Variants in SDK1 observed in about 807,000 individuals in gnomAD.
The protein encoded by SDK1 is sidekick cell adhesion molecule 1.
SDK1 carries 157 observed loss-of-function variants against 245.5 expected under a neutral mutation model. That is an observed-to-expected ratio of 0.64 (90% CI 0.56 to 0.73). The LOEUF (loss-of-function observed/expected upper bound fraction) is 0.73, where lower values mean the gene tolerates loss of function less well. Ranked by LOEUF, SDK1 falls within the 30% of genes least tolerant of loss-of-function variation. SDK1 has a pLI of 0.00. For missense variants in SDK1, 3,583 were observed against 3,002.3 expected (o/e 1.19, Z -4.52); for synonymous variants, 1,647 against 1,278.5 (o/e 1.29, Z -6.15).
intron 5 of SDK1, among the ~76,000 whole-genome samples, chr7:3,915,418 G>A (rs909412985): frequency 6.6e-6 from 1 of 152,178 alleles, no homozygotes; most frequent in Non-Finnish European, 1.5e-5. Context: ...TTGAATCATA[G>A]GGGTGGGTTT....
chr7:3,958,873 T>C, intron 7 of SDK1, 58 bp from the exon 8 acceptor site: 5 of 1,331,142 alleles, frequency 3.8e-6, no homozygotes, highest in Non-Finnish European at 5.4e-6. Flanking sequence ...TTAGGTTATA[T>C]GGTCTCTGAC....
At chr7:3,357,326 G>GTTTTTTTTTTTTTTTTTTTTTTTTTTT (rs1780826215) in intron 1 of SDK1, among the ~76,000 whole-genome samples, 1 of 50,102 alleles carries the variant, frequency 2.0e-5, no homozygotes. Context: ...CCTTCTTTTA[G>GTTTTTTTTTTTTTTTTTTTTTTTTTTT]TGTTTTTTTT....
chr7:4,011,171 G>C, intron 15 of SDK1, 58 bp downstream of exon 15: 1 of 1,581,778 alleles, frequency 6.3e-7, no homozygotes, highest in Non-Finnish European at 8.6e-7. Flanking sequence ...GAATGCCAAA[G>C]AGAAGCATCA....
Position 4,217,203 on chromosome 7 carries a change from A to G in SDK1, c.5540-2906A>G, listed in dbSNP as rs113144230. Among the ~76,000 whole-genome samples the G allele has an allele frequency of 5.6e-4, 78 of 138,910 alleles. 5 individuals are homozygous for G. Among genetic ancestry groups the G allele is most frequent in the African/African-American group, 2.1e-3 (72 of 35,030 alleles). 91.1% of individuals were successfully genotyped at this position (138,910 alleles called of 152,430 possible). On this transcript the variant is annotated intron_variant, in intron 38 of 44. Transcript: ENST00000404826. ...CCCGGAGCACCCTGCCACCCGGAGC[A>G]CCAGGCCACCCAGAGCACCAGGCCA...
chr7:4,109,036 C>A (rs964498499), intron 22 of SDK1, among the ~76,000 whole-genome samples: 1 of 152,156 alleles, frequency 6.6e-6, no homozygotes, highest in Non-Finnish European at 1.5e-5. Flanking sequence ...GAATCCTGTT[C>A]CATGGTGCAG....
intron 1 of SDK1, among the ~76,000 whole-genome samples, chr7:3,340,605 A>G (rs1170439866): frequency 6.6e-6 from 1 of 152,130 alleles, no homozygotes; most frequent in African/African-American, 2.4e-5. Flanking sequence ...TACTAAAAAT[A>G]CCAAAAAAAT....
At chr7:4,205,330 C>T (rs111860772) in intron 35 of SDK1, among the ~76,000 whole-genome samples, 172 of 152,240 alleles carry the variant, frequency 1.1e-3, no homozygotes, top group African/African-American at 3.9e-3. Flanking sequence ...TAATCTCAAT[C>T]AGTAATATTA....
At chr7:3,967,041 T>C (rs570028579) in intron 9 of SDK1, among the ~76,000 whole-genome samples, 1 of 152,332 alleles carries the variant, frequency 6.6e-6, no homozygotes, top group East Asian at 1.9e-4. Context: ...CTCTTTAATA[T>C]TCATCAAAAA....
At chr7:4,019,044 C>T (rs561766146) in intron 17 of SDK1, among the ~76,000 whole-genome samples, 1 of 152,252 alleles carries the variant, frequency 6.6e-6, no homozygotes, top group South Asian at 2.1e-4. Flanking sequence ...AAAACGAATG[C>T]AGTTTCGGCC....
chr7:3,646,810 C>G (rs1782852923), intron 4 of SDK1, among the ~76,000 whole-genome samples: 1 of 152,174 alleles, frequency 6.6e-6, no homozygotes. Flanking sequence ...TAGAGACAAT[C>G]TACAATTATC....
In SDK1 at chr7:3,769,484, C is replaced by T. The variant is rs1225400034; in HGVS notation, c.714-51966C>T. Reference sequence around the variant, plus strand: ...ATATTAATCCATGGATAGATTAATCCACTCATGAGGTCAGAGTCCTTATGA... The same window carrying T: ...ATATTAATCCATGGATAGATTAATCTACTCATGAGGTCAGAGTCCTTATGA... On this transcript the variant is annotated intron_variant, in intron 4 of 44. Transcript: ENST00000404826. 4.6e-5 allele frequency among the ~76,000 whole-genome samples: 7 copies of T among 152,142 alleles called. No individual in the cohort carries two copies. In the East Asian group the frequency reaches 1.2e-3, roughly 25 times the overall value.
chr7:3,562,673 AC>A (rs1779784986), intron 1 of SDK1, among the ~76,000 whole-genome samples: 1 of 152,258 alleles, frequency 6.6e-6, no homozygotes, highest in Non-Finnish European at 1.5e-5. Context: ...ACATAAACTT[AC>A]CATTTTTAAG....
chr7:3,644,773 C>CAAAAA (rs34276127), intron 4 of SDK1, among the ~76,000 whole-genome samples: 7,486 of 39,650 alleles, frequency 0.19, 768 homozygotes, highest in Non-Finnish European at 0.24. Flanking sequence ...ACCCTGTCTC[C>CAAAAA]AAAAAAAAAA....
intron 17 of SDK1, among the ~76,000 whole-genome samples, chr7:4,019,493 A>C (rs1403983591): frequency 6.6e-6 from 1 of 152,132 alleles, no homozygotes; most frequent in Non-Finnish European, 1.5e-5. Context: ...ATGTCCAAGT[A>C]GTCTTCTGGA....
At chr7:3,910,066 A>T (rs534108485) in intron 5 of SDK1, among the ~76,000 whole-genome samples, 1 of 152,298 alleles carries the variant, frequency 6.6e-6, no homozygotes, top group East Asian at 1.9e-4. Context: ...GCTGATGTGG[A>T]ATCATTGTGT....
intron 4 of SDK1, among the ~76,000 whole-genome samples, chr7:3,680,304 TGA>T (rs1784060049): frequency 6.6e-6 from 1 of 152,018 alleles, no homozygotes; most frequent in Non-Finnish European, 1.5e-5. Flanking sequence ...TAGGAGAGCT[TGA>T]GAGGGGAGGT....
chr7:3,378,191 A>G (rs750157996), intron 1 of SDK1, among the ~76,000 whole-genome samples: 1 of 152,156 alleles, frequency 6.6e-6, no homozygotes, highest in Non-Finnish European at 1.5e-5. Flanking sequence ...TTCGGGGGCT[A>G]CAATTAACAT....
chr7:3,812,629 G>A (rs17324947), intron 4 of SDK1, among the ~76,000 whole-genome samples: 21,837 of 152,230 alleles, frequency 0.14, 1,702 homozygotes, highest in Middle Eastern at 0.3. Context: ...GGGCCATTAT[G>A]GTAACTAAAC....
intron 40 of SDK1, among the ~76,000 whole-genome samples, chr7:4,227,632 G>C (rs2128234316): frequency 6.6e-6 from 1 of 152,334 alleles, no homozygotes; most frequent in East Asian, 1.9e-4. Context: ...AGAAATCTCA[G>C]GCAGTGAATG....
Sources: allele counts gnomAD v4.1 joint callset (sites outside exome capture counted in the v4.1 genomes callset), GRCh38; gene constraint gnomAD v4.1.1; transcripts MANE v1.5; gene names NCBI Gene and HGNC (gene_info 2026-07-23, HGNC 2026-07-21).